RNF103: variants seen among roughly 807,000 people sequenced by gnomAD.
RNF103 encodes E3 ubiquitin-protein ligase RNF103.
In RNF103, 23 loss-of-function variants were observed where a neutral mutation model predicts 66.2. The observed-to-expected ratio is 0.35, with a 90% CI of 0.25 to 0.49. RNF103 has a LOEUF of 0.49. Among genes scored for constraint, RNF103 ranks in the 20% least tolerant of loss-of-function variants. The pLI, the probability that RNF103 is intolerant of heterozygous loss-of-function variation, is 0.98. For synonymous variants in RNF103, 297 were observed against 289.9 expected, an observed-to-expected ratio of 1.02 and a Z score of -0.25; for missense variants, 730 against 814.7, an observed-to-expected ratio of 0.90 and a Z score of 1.27.
rs1002545148 is a variant in RNF103 at position 86,623,833 on chromosome 2, C to T, written c.-947G>A. The T allele has an allele frequency of 1.6e-6, 2 of 1,287,988 alleles. No individual in the cohort carries two copies. Among genetic ancestry groups the T allele is most frequent in the Admixed American group, 4.6e-5 (2 of 43,504 alleles). 79.8% of individuals were successfully genotyped at this position (1,287,988 alleles called of 1,614,324 possible). A position where few individuals can be genotyped will look rare whatever the true frequency, so the allele number is the denominator to read the frequency against. On this transcript the variant is annotated 5_prime_UTR_variant, in exon 1 of 4. Transcript: ENST00000237455. ...GGCCGTACCCTCCACAACCGTGTAT[C>T]AGCGGCGGCCGCGGCCGGAGCCGAG...
chr2:86,614,951 G>T lies in RNF103; in HGVS notation c.367-2677C>A, dbSNP rs145209576. 641 of 985,406 alleles carry T rather than the reference G, an allele frequency of 6.5e-4. 2 individuals are homozygous for T. Among genetic ancestry groups the T allele is most frequent in the African/African-American group, 6.2e-3 (355 of 57,344 alleles). The allele number at this position is 985,406 out of a possible 1,614,324, so 61.0% of individuals were successfully genotyped here. ...ATGACACTGCTCCAAGGAGTTTAGA[G>T]GTTGCCTCGCCAGTGTAAATATTTA... is the stretch of plus-strand genomic sequence containing the variant. On this transcript the variant is annotated intron_variant, in intron 2 of 3. Transcript: ENST00000237455.
chr2:86,620,485 G>T lies in RNF103; in HGVS notation c.227-16C>A. The stretch of plus-strand genomic sequence containing the variant: ...ATCAAGTCACCTGAAGAAAGGAAAA[G>T]AATAACACTAATAAGGTTGCAAGAA... On this transcript the variant is annotated splice_polypyrimidine_tract_variant and intron_variant, in intron 1 of 3. Transcript: ENST00000237455. 1 of 1,550,744 alleles carries T rather than the reference G, an allele frequency of 6.4e-7. No homozygotes were observed. Among genetic ancestry groups the T allele is most frequent in the South Asian group, 1.2e-5 (1 of 83,174 alleles).
intron 3 of RNF103, among the ~76,000 whole-genome samples, chr2:86,608,385 G>T (rs141665699): frequency 0.013 from 1,938 of 151,252 alleles, 41 homozygotes; most frequent in African/African-American, 0.043. Flanking sequence ...TACTTGGGGG[G>T]CTGAGACACA....
chr2:86,616,927 G>A, intron 2 of RNF103: 1 of 985,384 alleles, frequency 1.0e-6, no homozygotes, highest in Non-Finnish European at 1.2e-6. Context: ...AGGGTCTTTT[G>A]AAAGAAAAGT....
At chr2:86,618,232 T>C (rs893615669) in intron 2 of RNF103, 6 of 249,466 alleles carry the variant, frequency 2.4e-5, no homozygotes, top group Admixed American at 2.4e-4. Flanking sequence ...AGAGAATTCC[T>C]TGCCACTCTC....
At chr2:86,620,222 G>A in intron 2 of RNF103, 108 bp downstream of exon 2, 1 of 1,316,258 alleles carries the variant, frequency 7.6e-7, no homozygotes. Flanking sequence ...TTATGTGTGA[G>A]AAACAAGACA....
At chr2:86,611,187 A>C (rs1573358924) in intron 3 of RNF103, among the ~76,000 whole-genome samples, 1 of 151,972 alleles carries the variant, frequency 6.6e-6, no homozygotes, top group South Asian at 2.1e-4. Flanking sequence ...CTCAAAAAAA[A>C]AAAAAATCAG....
chr2:86,616,746 T>C (rs966292583), intron 2 of RNF103: 2 of 985,424 alleles, frequency 2.0e-6, no homozygotes, highest in Non-Finnish European at 2.4e-6. Flanking sequence ...TTAAATTCCA[T>C]ATGATGTAAC....
intron 3 of RNF103, among the ~76,000 whole-genome samples, chr2:86,607,842 C>G (rs1387673220): frequency 6.6e-6 from 1 of 152,142 alleles, no homozygotes; most frequent in African/African-American, 2.4e-5. Flanking sequence ...TAAATGACAG[C>G]CTTTCTGACA....
intron 2 of RNF103, chr2:86,613,313 C>T (rs1678874380): frequency 6.6e-6 from 1 of 152,128 alleles, no homozygotes; most frequent in Non-Finnish European, 1.5e-5. Flanking sequence ...ACCACCTTTT[C>T]CCTTTATCTC....
rs1679326016 is a variant in RNF103 at position 86,623,588 on chromosome 2, C to T, written c.-702G>A. On this transcript the variant is annotated 5_prime_UTR_variant, in exon 1 of 4. Coordinates refer to ENST00000237455, the MANE Select transcript of RNF103 (RefSeq NM_005667.4). ...GCTCGGGCCGGCTGGCGGGCGGCGC[C>T]TCTCAGGCGGGCGGGCACTGCGGCC... 11 of 1,004,614 alleles carry T rather than the reference C, an allele frequency of 1.1e-5. No individual in the cohort carries two copies. The highest frequency in any genetic ancestry group is 1.3e-5 in the Non-Finnish European group (11 of 840,680). The allele number at this position is 1,004,614 out of a possible 1,614,324, so 62.2% of individuals were successfully genotyped here.
intron 3 of RNF103, among the ~76,000 whole-genome samples, chr2:86,606,767 A>T: frequency 6.6e-6 from 1 of 150,572 alleles, no homozygotes; most frequent in Non-Finnish European, 1.5e-5. Context: ...TTTATTTTTT[A>T]ATTTTTAGTT....
chr2:86,605,226 T>C lies in RNF103; in HGVS notation c.675A>G (p.Glu225=). ...AATACTGATCACTTTTATTCCATTC[T>C]TCTTTCAAGTGTTCAGCATTATAAA... ...KTIYNAEHLK[E]EWNKSDQYWL... Residue 225 remains glutamate, a synonymous_variant, in exon 4 of 4, where the codon GAA becomes GAG. Coordinates refer to ENST00000237455, the MANE Select transcript of RNF103 (RefSeq NM_005667.4). The C allele has an allele frequency of 6.2e-7, 1 of 1,614,122 alleles. No homozygotes were observed. The highest frequency in any genetic ancestry group is 1.1e-5 in the South Asian group (1 of 91,084).
At position 86,604,479 on chromosome 2, in the gene RNF103, C is replaced by T. The variant is rs576517927; in HGVS notation, c.1422G>A (p.Gln474=). 3.1e-6 allele frequency: 5 copies of T among 1,614,204 alleles called. No homozygotes were observed. In the South Asian group the frequency reaches 5.5e-5, roughly 18 times the overall value. The change falls in exon 4 of 4, where the codon CAG becomes CAA. Residue 474 remains glutamine, a synonymous_variant. Coordinates refer to ENST00000237455, the MANE Select transcript of RNF103 (RefSeq NM_005667.4). Reference sequence around the variant, plus strand: ...CCCAATCAGATTCTACAGGAAAGTTCTGAAAAGAAGCAATCGGGTGGAAGA... The same window carrying T: ...CCCAATCAGATTCTACAGGAAAGTTTTGAAAAGAAGCAATCGGGTGGAAGA... ...SYLFHPIASF[Q]NFPVESDWDE...
chr2:86,605,498 C>T (rs921405220), intron 3 of RNF103, 80 bp from the exon 4 acceptor site: 1 of 1,446,274 alleles, frequency 6.9e-7, no homozygotes. Flanking sequence ...TCTTTAGCAC[C>T]TCACCCCAAA....
At chr2:86,615,368 T>C in intron 2 of RNF103, 1 of 360,872 alleles carries the variant, frequency 2.8e-6, no homozygotes, top group African/African-American at 2.2e-5. Flanking sequence ...AGTTATATAA[T>C]TCAACTGAAG....
intron 3 of RNF103, 147 bp from the exon 4 acceptor site, chr2:86,605,565 A>G (rs76449774): frequency 0.029 from 20,584 of 702,010 alleles, 490 homozygotes; most frequent in African/African-American, 0.089. Context: ...GCTGTGAAAA[A>G]CAAGCTCTGT....
intron 1 of RNF103, among the ~76,000 whole-genome samples, chr2:86,621,592 A>G (rs895898495): frequency 2.0e-5 from 3 of 152,240 alleles, no homozygotes; most frequent in African/African-American, 7.2e-5. Context: ...TATGAGTTTT[A>G]TAACCCGCAA....
At chr2:86,618,870 T>A (rs1329538239) in intron 2 of RNF103, 1 of 152,220 alleles carries the variant, frequency 6.6e-6, no homozygotes, top group Non-Finnish European at 1.5e-5. Flanking sequence ...CCACCTTATT[T>A]TTCAACTCCA....
Sources: allele counts gnomAD v4.1 joint callset (sites outside exome capture counted in the v4.1 genomes callset), GRCh38; gene constraint gnomAD v4.1.1; transcripts MANE v1.5; gene names NCBI Gene and HGNC (gene_info 2026-07-23, HGNC 2026-07-21).